SLCO2B1: variants seen among roughly 807,000 people sequenced by gnomAD.
The protein encoded by SLCO2B1 is solute carrier organic anion transporter family member 2B1, also known as OATP-RP2.
SLCO2B1 carries 41 observed loss-of-function variants against 67.3 expected under a neutral mutation model. The observed-to-expected ratio is 0.61, with a 90% CI of 0.47 to 0.79. SLCO2B1 has a LOEUF of 0.79. SLCO2B1 is among the 30% of genes least tolerant of loss of function. The pLI is 0.00. For missense variants in SLCO2B1, 837 were observed against 920.1 expected (o/e 0.91, Z 1.17); for synonymous variants, 379 against 381.4 (o/e 0.99, Z 0.07).
At chr11:75,176,956 T>C (rs1163418377) in intron 7 of SLCO2B1, among the ~76,000 whole-genome samples, 2 of 152,198 alleles carry the variant, frequency 1.3e-5, no homozygotes, top group East Asian at 1.9e-4. Context: ...CACCTGTCTG[T>C]ACAAAGCCAG....
At position 75,193,029 on chromosome 11, in the gene SLCO2B1, A is replaced by C. The variant is rs1251508193; in HGVS notation, c.1076-189A>C. On this transcript the variant is annotated intron_variant, in intron 8 of 13. Coordinates refer to ENST00000289575, the MANE Select transcript of SLCO2B1 (RefSeq NM_007256.5). The surrounding 1 kb of genome is among the most constrained non-coding windows in gnomAD (Gnocchi z 4.2). ...CTGCACCCCAGCCTGGGCGACAGAG[A>C]GAGAAAAAAAAAGGGACTAGAGTAA... Among the ~76,000 whole-genome samples the C allele has an allele frequency of 5.3e-5, 8 of 152,086 alleles. No homozygotes were observed. The highest frequency in any genetic ancestry group is 1.4e-4 in the African/African-American group (6 of 41,402).
chr11:75,202,802 G>A (rs937064578), intron 11 of SLCO2B1, 99 bp from the exon 12 acceptor site: 1 of 1,025,566 alleles, frequency 9.8e-7, no homozygotes, highest in Non-Finnish European at 1.5e-6. Flanking sequence ...TCTGGGTGGT[G>A]GGAGAGAAGG....
At chr11:75,156,287 T>C (rs1334271593) in intron 1 of SLCO2B1, among the ~76,000 whole-genome samples, 1 of 151,700 alleles carries the variant, frequency 6.6e-6, no homozygotes, top group African/African-American at 2.4e-5. Flanking sequence ...CCTGGGGGAG[T>C]TTATTGCCTA....
chr11:75,192,204 C>T (rs1945032277), intron 8 of SLCO2B1, among the ~76,000 whole-genome samples: 1 of 152,148 alleles, frequency 6.6e-6, no homozygotes, highest in Non-Finnish European at 1.5e-5. Context: ...TTTGATTCTG[C>T]CCCAGACATA....
At chr11:75,192,503 G>A (rs1945037227) in intron 8 of SLCO2B1, among the ~76,000 whole-genome samples, 1 of 152,122 alleles carries the variant, frequency 6.6e-6, no homozygotes, top group Non-Finnish European at 1.5e-5. Flanking sequence ...GGAGGATGAA[G>A]GCCTGGGAGG....
rs374375656 is a variant in SLCO2B1 at position 75,160,816 on chromosome 11, G to C, written c.17-1839G>C. Among the ~76,000 whole-genome samples the C allele has an allele frequency of 8.0e-4, 122 of 152,306 alleles. 1 individual carries two copies. The South Asian group carries it at 0.025, about 31-fold the overall frequency. On this transcript the variant is annotated intron_variant, in intron 1 of 13. Coordinates refer to ENST00000289575, the MANE Select transcript of SLCO2B1 (RefSeq NM_007256.5). ...AAAGCAAGATATACAAATGGCAGTAGGCACATGAAAAGATGCTCAATATCA... is the reference window on the plus strand; with the variant it reads ...AAAGCAAGATATACAAATGGCAGTACGCACATGAAAAGATGCTCAATATCA...
At chr11:75,185,657 C>T (rs188605504) in intron 7 of SLCO2B1, among the ~76,000 whole-genome samples, 11 of 151,942 alleles carry the variant, frequency 7.2e-5, no homozygotes, top group South Asian at 4.2e-4. Flanking sequence ...AGAAAGAATT[C>T]GGAGCAAGTC....
chr11:75,161,757 G>T, intron 1 of SLCO2B1, among the ~76,000 whole-genome samples: 1 of 152,172 alleles, frequency 6.6e-6, no homozygotes, highest in East Asian at 1.9e-4. Context: ...GGAGCAGGTG[G>T]TTTCAGTCTA....
At chr11:75,162,909 C>T in intron 2 of SLCO2B1, 124 bp downstream of exon 2, 1 of 1,187,748 alleles carries the variant, frequency 8.4e-7, no homozygotes, top group South Asian at 1.5e-5. Flanking sequence ...GAATGTGTGG[C>T]TGTGAGGATC....
chr11:75,168,921 G>T (rs1180232171), intron 4 of SLCO2B1, among the ~76,000 whole-genome samples: 2 of 152,146 alleles, frequency 1.3e-5, no homozygotes, highest in East Asian at 3.9e-4. Context: ...GTGGTGTAGG[G>T]CAGTTTAAGA....
chr11:75,204,594 C>A lies in SLCO2B1; in HGVS notation c.*14C>A. The A allele has an allele frequency of 1.3e-6, 2 of 1,592,044 alleles. No individual in the cohort carries two copies. Among genetic ancestry groups the A allele is most frequent in the Non-Finnish European group, 1.7e-6 (2 of 1,170,498 alleles). ...TCCCGAGTGTGAGCTGTCTTGGGGC[C>A]CCACCTGGCCAAGAGTAGCAGCCAC... On this transcript the variant is annotated 3_prime_UTR_variant, in exon 14 of 14. Coordinates refer to ENST00000289575, the MANE Select transcript of SLCO2B1 (RefSeq NM_007256.5).
At chr11:75,173,436 G>A (rs1280449027) in intron 7 of SLCO2B1, among the ~76,000 whole-genome samples, 1 of 152,204 alleles carries the variant, frequency 6.6e-6, no homozygotes, top group Non-Finnish European at 1.5e-5. Flanking sequence ...TGGAGTGCAG[G>A]CCCCAGGCTG....
chr11:75,172,894 A>C (rs889317240), intron 7 of SLCO2B1, among the ~76,000 whole-genome samples: 22 of 151,176 alleles, frequency 1.5e-4, no homozygotes, highest in African/African-American at 5.4e-4. Context: ...GCACCACTGC[A>C]CTCCAGCCTG....
intron 11 of SLCO2B1, chr11:75,202,119 T>C (rs566312858): frequency 6.6e-6 from 1 of 152,226 alleles, no homozygotes. Flanking sequence ...CAGAGCAAGA[T>C]AATTTCCATT....
chr11:75,152,795 G>T (rs1949707040), intron 1 of SLCO2B1, among the ~76,000 whole-genome samples: 1 of 152,136 alleles, frequency 6.6e-6, no homozygotes, highest in Non-Finnish European at 1.5e-5. Flanking sequence ...TGGGCCATTG[G>T]GTGCCATCTC....
chr11:75,178,223 C>G (rs960577555), intron 7 of SLCO2B1, among the ~76,000 whole-genome samples: 1 of 152,136 alleles, frequency 6.6e-6, no homozygotes, highest in East Asian at 1.9e-4. Flanking sequence ...CCCCACCATA[C>G]CAGCCAGGCT....
chr11:75,189,248 AGCACTGGAT>A (rs141492003), intron 8 of SLCO2B1, among the ~76,000 whole-genome samples: 7,960 of 152,192 alleles, frequency 0.052, 450 homozygotes, highest in African/African-American at 0.14. Context: ...GCTCTTACAG[AGCACTGGAT>A]GGCAGGTCAG....
intron 10 of SLCO2B1, 35 bp from the exon 11 acceptor site, chr11:75,200,189 G>C: frequency 1.3e-6 from 2 of 1,575,012 alleles, no homozygotes; most frequent in South Asian, 2.3e-5. Context: ...GCCCTTGGAG[G>C]CTCTTGAAGT....
chr11:75,152,545 G>GC, intron 1 of SLCO2B1: 1 of 152,540 alleles, frequency 6.6e-6, no homozygotes, highest in East Asian at 1.9e-4. Flanking sequence ...GGTTGGGGGG[G>GC]CGGTGTGAAT....
Sources: gnomAD v4.1 joint callset for allele counts (sites outside exome capture counted in the v4.1 genomes callset) on GRCh38, gnomAD v4.1.1 for gene constraint, Gnocchi (gnomAD v3.1) non-coding constraint, MANE v1.5 for transcripts, NCBI Gene and HGNC (gene_info 2026-07-23, HGNC 2026-07-21) for gene names.